Variants in FNDC3B observed in about 807,000 individuals in gnomAD.
The protein encoded by FNDC3B is fibronectin type III domain containing 3B.
In FNDC3B, 12 loss-of-function variants were observed where a neutral mutation model predicts 151.5. That is an observed-to-expected ratio of 0.08 (90% CI 0.05 to 0.13). The LOEUF (loss-of-function observed/expected upper bound fraction) is 0.13, where lower values mean the gene tolerates loss of function less well. FNDC3B is among the 10% of genes least tolerant of loss of function. The pLI, the probability that FNDC3B is intolerant of heterozygous loss-of-function variation, is 1.00. For missense variants in FNDC3B, 1,214 were observed against 1,505.3 expected (o/e 0.81, Z 3.20); for synonymous variants, 528 against 549.0 (o/e 0.96, Z 0.54).
At chr3:172,384,096 A>G (rs905054805) in intron 25 of FNDC3B, among the ~76,000 whole-genome samples, 3 of 152,230 alleles carry the variant, frequency 2.0e-5, no homozygotes, top group Admixed American at 1.3e-4. Context: ...GGTGTTTGCT[A>G]TATGATAATA....
intron 1 of FNDC3B, among the ~76,000 whole-genome samples, chr3:172,041,046 T>C (rs1467166516): frequency 6.6e-6 from 1 of 152,206 alleles, no homozygotes. Flanking sequence ...GTTATAACTT[T>C]TTGTTTTCTT....
intron 11 of FNDC3B, among the ~76,000 whole-genome samples, chr3:172,318,126 C>T (rs952713958): frequency 1.3e-5 from 2 of 152,220 alleles, no homozygotes; most frequent in African/African-American, 4.8e-5. Context: ...CATTTGGTTT[C>T]CCTGGTGACT....
At chr3:172,228,269 G>A (rs959852614) in intron 4 of FNDC3B, among the ~76,000 whole-genome samples, 1 of 152,182 alleles carries the variant, frequency 6.6e-6, no homozygotes, top group Non-Finnish European at 1.5e-5. Context: ...CACATCAGCC[G>A]TCAGTTAACA....
intron 6 of FNDC3B, among the ~76,000 whole-genome samples, chr3:172,253,853 C>T (rs536216306): frequency 1.3e-5 from 2 of 151,786 alleles, no homozygotes; most frequent in South Asian, 4.1e-4. Flanking sequence ...GATCTCAGCT[C>T]ACTGCAACCT....
chr3:172,346,604 C>A (rs1249080616), intron 20 of FNDC3B, among the ~76,000 whole-genome samples, 164 bp downstream of exon 20: 3 of 148,064 alleles, frequency 2.0e-5, no homozygotes, highest in Non-Finnish European at 4.4e-5. Context: ...TTGCCACTTG[C>A]TTATATTATT....
chr3:172,097,446 T>C (rs540490396), intron 1 of FNDC3B, among the ~76,000 whole-genome samples: 1 of 152,354 alleles, frequency 6.6e-6, no homozygotes, highest in South Asian at 2.1e-4. Context: ...TTGTATGTGG[T>C]GGTTTGAAAG....
At chr3:172,083,344 G>C (rs191663070) in intron 1 of FNDC3B, among the ~76,000 whole-genome samples, 3 of 152,338 alleles carry the variant, frequency 2.0e-5, no homozygotes, top group Admixed American at 2.0e-4. Context: ...AGATGGAGCT[G>C]CACACACTTT....
intron 1 of FNDC3B, among the ~76,000 whole-genome samples, chr3:172,085,339 GA>G (rs1224440379): frequency 6.6e-6 from 1 of 152,028 alleles, no homozygotes; most frequent in African/African-American, 2.4e-5. Context: ...TTTTTCTTTA[GA>G]AACTGAAAGA....
chr3:172,117,392 C>A (rs1405151194), intron 2 of FNDC3B, among the ~76,000 whole-genome samples: 1 of 152,090 alleles, frequency 6.6e-6, no homozygotes, highest in South Asian at 2.1e-4. Context: ...TATTAACTTA[C>A]CTGTGTTTGT....
intron 1 of FNDC3B, among the ~76,000 whole-genome samples, chr3:172,094,576 T>C (rs1341974760): frequency 5.3e-5 from 8 of 152,182 alleles, no homozygotes; most frequent in African/African-American, 1.7e-4. Flanking sequence ...CATTCTTCTG[T>C]TGGATGGTTT....
chr3:172,093,117 C>CTTTAAGGTTCAGAAAAAGATCA, intron 1 of FNDC3B, among the ~76,000 whole-genome samples: 2 of 150,790 alleles, frequency 1.3e-5, no homozygotes, highest in Admixed American at 1.3e-4. Context: ...TGCACCTGGC[C>CTTTAAGGTTCAGAAAAAGATCA]AGAATCTTTT....
intron 1 of FNDC3B, among the ~76,000 whole-genome samples, chr3:172,075,275 A>T (rs1717951901): frequency 6.6e-6 from 1 of 152,184 alleles, no homozygotes. Context: ...GCTAGTGCCG[A>T]GACCTACTGG....
chr3:172,333,256 C>T, intron 14 of FNDC3B, 81 bp downstream of exon 14: 2 of 905,446 alleles, frequency 2.2e-6, no homozygotes, highest in South Asian at 1.3e-5. Flanking sequence ...CAGATTGACT[C>T]TACAGGTTAA....
intron 3 of FNDC3B, among the ~76,000 whole-genome samples, chr3:172,160,886 A>G: frequency 6.6e-6 from 1 of 152,184 alleles, no homozygotes; most frequent in South Asian, 2.1e-4. Context: ...TTTGTCCCGA[A>G]TTTGCCGTTG....
At chr3:172,302,601 T>C (rs1349369822) in intron 9 of FNDC3B, 2 of 152,200 alleles carry the variant, frequency 1.3e-5, no homozygotes, top group Non-Finnish European at 2.9e-5. Flanking sequence ...CTCCTAGTGG[T>C]GATTGAGGAA....
intron 3 of FNDC3B, among the ~76,000 whole-genome samples, chr3:172,223,941 A>G (rs541668222): frequency 4.6e-5 from 7 of 152,400 alleles, no homozygotes; most frequent in Admixed American, 3.3e-4. Flanking sequence ...AAACCTGACC[A>G]TATGAAGTAA....
chr3:172,049,991 G>C (rs1306119854), intron 1 of FNDC3B, among the ~76,000 whole-genome samples: 1 of 152,142 alleles, frequency 6.6e-6, no homozygotes, highest in Non-Finnish European at 1.5e-5. Context: ...TTACAAAAGG[G>C]ATAGAGTGAA....
chr3:172,091,640 A>G (rs747629244), intron 1 of FNDC3B, among the ~76,000 whole-genome samples: 1 of 152,206 alleles, frequency 6.6e-6, no homozygotes, highest in Non-Finnish European at 1.5e-5. Flanking sequence ...AGCTTTAGGA[A>G]GTAACTTTGT....
chr3:172,056,425 A>G (rs568570812), intron 1 of FNDC3B, among the ~76,000 whole-genome samples: 7 of 152,330 alleles, frequency 4.6e-5, no homozygotes, highest in East Asian at 3.9e-4. Context: ...GCCCTTGTCT[A>G]TAGATAATAG....
Sources: allele counts gnomAD v4.1 joint callset (sites outside exome capture counted in the v4.1 genomes callset), GRCh38; gene constraint gnomAD v4.1.1; transcripts MANE v1.5; gene names NCBI Gene and HGNC (gene_info 2026-07-23, HGNC 2026-07-21).